The following DGKA variants were observed in gnomAD, a reference collection of about 807,000 sequenced individuals.
DGKA encodes 80 kDa diacylglycerol kinase.
DGKA carries 35 observed loss-of-function variants against 105.0 expected under a neutral mutation model. That is an observed-to-expected ratio of 0.33 (90% CI 0.25 to 0.44). The LOEUF (loss-of-function observed/expected upper bound fraction) is 0.44, where lower values mean the gene tolerates loss of function less well. Ranked by LOEUF, DGKA falls within the 20% of genes least tolerant of loss-of-function variation. DGKA has a pLI of 1.00. For synonymous variants in DGKA, 296 were observed against 332.0 expected (o/e 0.89, Z 1.18); for missense variants, 665 against 915.0 (o/e 0.73, Z 3.53).
rs796401115 is a variant in DGKA, at chr12:55,932,692, T to TACAC, written c.-82+1361_-82+1364dup. 1.9e-5 allele frequency: 11 copies of TACAC among 580,784 alleles called. No individual in the cohort carries two copies. The highest frequency in any genetic ancestry group is 1.2e-4 in the East Asian group (4 of 32,124). The allele number at this position is 580,784 out of a possible 1,614,324, so 36.0% of individuals were successfully genotyped here. ...TCCTATACTACGCAATGACACCCTC[T>TACAC]ACACACACACACACACGCACACACA... On this transcript the variant is annotated intron_variant, in intron 1 of 23. Coordinates refer to ENST00000331886, the MANE Select transcript of DGKA (RefSeq NM_001345.5). This position sits in a 1 kb window ranked among gnomAD's most constrained non-coding sequence, Gnocchi z 4.3.
At position 55,953,106 on chromosome 12, in the gene DGKA, C is replaced by T. The variant is rs1237358326; in HGVS notation, c.2009C>T (p.Thr670Ile). 1.2e-6 allele frequency: 2 copies of T among 1,614,120 alleles called. No homozygotes were observed. The highest frequency in any genetic ancestry group is 2.2e-5 in the East Asian group (1 of 44,880). The change falls in exon 22 of 24, where the codon ACC (threonine) becomes ATC (isoleucine). Residue 670 changes from threonine to isoleucine, a missense_variant. Coordinates refer to ENST00000331886, the MANE Select transcript of DGKA (RefSeq NM_001345.5). ...GCAATTGAGATGGGCCAAATCTATA[C>T]CAAGCTCAAGAATGCTGGACGTCGG... The part of the protein sequence containing the change: ...EGAIEMGQIY[T>I]KLKNAGRRLA...
chr12:55,927,908 G>C, upstream of DGKA: 3 of 1,030,640 alleles, frequency 2.9e-6, no homozygotes, highest in Non-Finnish European at 4.1e-6. Flanking sequence ...TCCTCGGGCT[G>C]GGCCCTAGGG....
At position 55,939,175 on chromosome 12, in the gene DGKA, T is replaced by C; in HGVS notation, c.475-11T>C. On this transcript the variant is annotated splice_polypyrimidine_tract_variant and intron_variant, in intron 7 of 23. Coordinates refer to ENST00000331886, the MANE Select transcript of DGKA (RefSeq NM_001345.5). ...ACTCATACTGAAAGTCCCTTTCCAC[T>C]CTGTGCTCAGATTCTTCAGGAGATG... is the stretch of plus-strand genomic sequence containing the variant. The C allele has an allele frequency of 6.2e-7, 1 of 1,613,586 alleles. No homozygotes were observed. The highest frequency in any genetic ancestry group is 8.5e-7 in the Non-Finnish European group (1 of 1,179,708).
chr12:55,928,154 T>G (rs932946829), upstream of DGKA: 1 of 213,556 alleles, frequency 4.7e-6, no homozygotes, highest in Non-Finnish European at 9.2e-6. Flanking sequence ...CTGTTAAACT[T>G]GTTTCCCCTA....
At chr12:55,927,893 G>C, upstream of DGKA, 1 of 1,214,046 alleles carries the variant, frequency 8.2e-7, no homozygotes, top group Non-Finnish European at 1.1e-6. Context: ...CTAACCCTGA[G>C]TGCCTCCTCG....
chr12:55,927,619 G>T, upstream of DGKA: 5 of 1,411,706 alleles, frequency 3.5e-6, no homozygotes, highest in Non-Finnish European at 3.8e-6. Flanking sequence ...ACCCTAAGAA[G>T]GTGGGGAGGT....
rs1489146238 is a variant in DGKA at position 55,952,356 on chromosome 12, A to G, written c.1668A>G (p.Leu556=). ...GCTGACACAGAATGAAGAACAAGCT[A>G]TGGTACTTCGAATTTGCCACATCTG... ...EKFNSRMKNK[L]WYFEFATSES... The change falls in exon 20 of 24, where the codon CTA becomes CTG. Residue 556 remains leucine, a synonymous_variant. Coordinates refer to ENST00000331886, the MANE Select transcript of DGKA (RefSeq NM_001345.5). The surrounding 1 kb of genome is among the most constrained non-coding windows in gnomAD (Gnocchi z 5.1). The G allele has an allele frequency of 3.1e-6, 5 of 1,614,182 alleles. No individual in the cohort carries two copies. Among genetic ancestry groups the G allele is most frequent in the South Asian group, 1.1e-5 (1 of 91,086 alleles).
In DGKA at chr12:55,937,400, C is replaced by G; in HGVS notation, c.139-8C>G. 1 of 1,613,244 alleles carries G rather than the reference C, an allele frequency of 6.2e-7. No homozygotes were observed. Among genetic ancestry groups the G allele is most frequent in the Non-Finnish European group, 8.5e-7 (1 of 1,179,488 alleles). ...GACTCCCCAGGATAATGCTCACTCT[C>G]ATTATAGGCCATTGGGTACGAGGGA... On this transcript the variant is annotated splice_polypyrimidine_tract_variant and splice_region_variant and intron_variant, in intron 3 of 23. Coordinates refer to ENST00000331886, the MANE Select transcript of DGKA (RefSeq NM_001345.5).
In DGKA at chr12:55,951,624, T is replaced by G. The variant is rs11834873; in HGVS notation, c.1428T>G (p.Gly476=). The G allele has an allele frequency of 0.018, 28,315 of 1,613,580 alleles. 4,163 individuals carry two copies. In the African/African-American group the frequency reaches 0.33, roughly 19 times the overall value. The change falls in exon 18 of 24, where the codon GGT becomes GGG. Residue 476 remains glycine, a splice_region_variant and synonymous_variant. Coordinates refer to ENST00000331886, the MANE Select transcript of DGKA (RefSeq NM_001345.5). ...DLARCLRWGG[G]YEGQNLAKIL... ...CTAACCTGTCTTCTCCACTCCTAGG[T>G]TATGAAGGACAGAATCTGGCAAAGA...
upstream of DGKA, chr12:55,928,397 C>G (rs772473): frequency 0.84 from 128,139 of 152,240 alleles, 54,249 homozygotes; most frequent in African/African-American, 0.93. Flanking sequence ...CAAAACAAAA[C>G]CCAGGCGCGG....
chr12:55,939,898 G>A, intron 9 of DGKA, 184 bp from the exon 10 acceptor site: 1 of 619,178 alleles, frequency 1.6e-6, no homozygotes, highest in Non-Finnish European at 2.9e-6. Flanking sequence ...AGTAGCAGCT[G>A]ATCTTTTAGG....
intron 1 of DGKA, among the ~76,000 whole-genome samples, chr12:55,934,256 C>T (rs940472061): frequency 2.6e-5 from 4 of 152,162 alleles, no homozygotes; most frequent in African/African-American, 9.7e-5. Context: ...GATTCCATTT[C>T]CTAGAACTTT....
rs1942602303 is a variant in DGKA at position 55,936,234 on chromosome 12, A to G, written c.-81-189A>G. On this transcript the variant is annotated intron_variant, in intron 1 of 23. Coordinates refer to ENST00000331886, the MANE Select transcript of DGKA (RefSeq NM_001345.5). Reference sequence around the variant, plus strand: ...AGTCAGAGAAACAGAGACAGAGGACAGACACTGTCAGGGAAGGTAGAGGCA... The same window carrying G: ...AGTCAGAGAAACAGAGACAGAGGACGGACACTGTCAGGGAAGGTAGAGGCA... The G allele has an allele frequency of 4.7e-6, 3 of 639,064 alleles. No homozygotes were observed. In the South Asian group the frequency reaches 7.8e-5, roughly 17 times the overall value. The allele number at this position is 639,064 out of a possible 1,614,324, so 39.6% of individuals were successfully genotyped here. A position where few individuals can be genotyped will look rare whatever the true frequency, so the allele number is the denominator to read the frequency against.
At position 55,934,962 on chromosome 12, in the gene DGKA, G is replaced by A. The variant is rs114200298; in HGVS notation, c.-81-1461G>A. On this transcript the variant is annotated intron_variant, in intron 1 of 23. Coordinates refer to ENST00000331886, the MANE Select transcript of DGKA (RefSeq NM_001345.5). ...TGCCTGAGGAACAGAAAGGAGCACA[G>A]TGAGACCAGATGGCGGGGTGTGAGG... Among the ~76,000 whole-genome samples, 800 of 152,316 alleles carry A rather than the reference G, an allele frequency of 5.3e-3. 11 individuals carry two copies. The highest frequency in any genetic ancestry group is 0.017 in the African/African-American group (716 of 41,572).
chr12:55,945,443 C>T (rs570502523), intron 17 of DGKA, among the ~76,000 whole-genome samples: 2 of 152,254 alleles, frequency 1.3e-5, no homozygotes, highest in African/African-American at 4.8e-5. Flanking sequence ...CGCCAATTAC[C>T]ACAAACAGTG....
chr12:55,947,854 A>C (rs1439562194), intron 17 of DGKA, among the ~76,000 whole-genome samples: 1 of 152,064 alleles, frequency 6.6e-6, no homozygotes, highest in Non-Finnish European at 1.5e-5. Context: ...GCTATAGTAC[A>C]ATCTCGGCTC....
At chr12:55,933,231 C>T (rs924493783) in intron 1 of DGKA, among the ~76,000 whole-genome samples, 2 of 152,176 alleles carry the variant, frequency 1.3e-5, no homozygotes, top group African/African-American at 4.8e-5. Context: ...CTCTATGCCT[C>T]AATTTCCTCC....
chr12:55,947,169 G>T (rs1426920404), intron 17 of DGKA, among the ~76,000 whole-genome samples: 1 of 151,862 alleles, frequency 6.6e-6, no homozygotes. Flanking sequence ...ATTTTTAGTA[G>T]AGATGGGGTT....
intron 9 of DGKA, chr12:55,939,853 C>T: frequency 3.4e-6 from 2 of 594,266 alleles, no homozygotes; most frequent in Non-Finnish European, 3.0e-6. Flanking sequence ...AGCTCAGTTC[C>T]TGCCTGGCAC....
Sources: allele counts gnomAD v4.1 joint callset (sites outside exome capture counted in the v4.1 genomes callset), GRCh38; gene constraint gnomAD v4.1.1; non-coding constraint Gnocchi (gnomAD v3.1); transcripts MANE v1.5; gene names NCBI Gene and HGNC (gene_info 2026-07-23, HGNC 2026-07-21).